The following GOLGA4 variants were observed in gnomAD, a reference collection of about 807,000 sequenced individuals.
GOLGA4 encodes the protein golgin subfamily A member 4.
Under a neutral mutation model 265.9 loss-of-function variants are expected in GOLGA4, and 169 were observed. That is an observed-to-expected ratio of 0.64 (90% CI 0.56 to 0.72). The LOEUF (loss-of-function observed/expected upper bound fraction) is 0.72. GOLGA4 is among the 30% of genes least tolerant of loss of function. The pLI is 0.00. For synonymous variants in GOLGA4, 923 were observed against 855.8 expected (o/e 1.08, Z -1.37); for missense variants, 2,482 against 2,483.4 (o/e 1.00, Z 0.01).
chr3:37,243,745 C>T, intron 1 of GOLGA4, 123 bp downstream of exon 1: 2 of 765,690 alleles, frequency 2.6e-6, no homozygotes, highest in South Asian at 1.7e-5. Flanking sequence ...CGCACTTTTC[C>T]CAAACTCCGG....
chr3:37,356,790 G>T (rs952617499), intron 22 of GOLGA4, among the ~76,000 whole-genome samples: 8 of 152,010 alleles, frequency 5.3e-5, no homozygotes, highest in Non-Finnish European at 1.2e-4. Context: ...TGATATAAAA[G>T]GGCTTTTATT....
At position 37,302,220 on chromosome 3, in the gene GOLGA4, T is replaced by C. The variant is rs747802542; in HGVS notation, c.1122T>C (p.His374=). 6.2e-6 allele frequency: 10 copies of C among 1,613,226 alleles called. No homozygotes were observed. The highest frequency in any genetic ancestry group is 1.3e-5 in the African/African-American group (1 of 74,876). Reference sequence around the variant, plus strand: ...TCGCAGAGACAAAACGTCAGATGCATGAAACCCTGGAAATGAAAGAAGAAG... The same window carrying C: ...TCGCAGAGACAAAACGTCAGATGCACGAAACCCTGGAAATGAAAGAAGAAG... The part of the protein sequence containing the change: ...MVIAETKRQM[H]ETLEMKEEEI... The change falls in exon 10 of 24, where the codon CAT becomes CAC. Residue 374 remains histidine, a synonymous_variant. Transcript: ENST00000361924.
At chr3:37,329,868 A>T (rs2096984328) in intron 16 of GOLGA4, among the ~76,000 whole-genome samples, 1 of 152,162 alleles carries the variant, frequency 6.6e-6, no homozygotes, top group African/African-American at 2.4e-5. Context: ...ATTTCACTAT[A>T]TGCTAAGAAT....
intron 19 of GOLGA4, among the ~76,000 whole-genome samples, chr3:37,338,650 T>C (rs1206838789): frequency 6.6e-6 from 1 of 152,142 alleles, no homozygotes; most frequent in East Asian, 1.9e-4. Context: ...TTTAGTTCAT[T>C]TACAGTGTTG....
intron 10 of GOLGA4, among the ~76,000 whole-genome samples, chr3:37,314,642 A>AACACACACAC (rs60890140): frequency 0.042 from 5,771 of 138,974 alleles, 162 homozygotes; most frequent in Middle Eastern, 0.085. Flanking sequence ...CTCCGTCTCA[A>AACACACACAC]ACACACACAC....
chr3:37,319,253 C>T, intron 12 of GOLGA4, 59 bp downstream of exon 12: 5 of 1,350,418 alleles, frequency 3.7e-6, no homozygotes, highest in Non-Finnish European at 5.1e-6. Flanking sequence ...ACAAAGTTAT[C>T]ATCCTCTCAC....
chr3:37,309,741 A>G (rs1040419157), intron 10 of GOLGA4, among the ~76,000 whole-genome samples: 1 of 152,204 alleles, frequency 6.6e-6, no homozygotes, highest in African/African-American at 2.4e-5. Context: ...CTGGATTTTC[A>G]TGCCTGTTTC....
chr3:37,364,822 G>C (rs188694420), intron 23 of GOLGA4, among the ~76,000 whole-genome samples: 329 of 150,486 alleles, frequency 2.2e-3, no homozygotes, highest in African/African-American at 7.7e-3. Context: ...GAACTCCTGG[G>C]CTCAAGCAGT....
chr3:37,298,268 A>G (rs947240073), intron 7 of GOLGA4, among the ~76,000 whole-genome samples: 2 of 152,134 alleles, frequency 1.3e-5, no homozygotes, highest in Non-Finnish European at 2.9e-5. Flanking sequence ...GTTTTTAAGA[A>G]CAATTTAGTG....
chr3:37,303,177 G>A lies in GOLGA4; in HGVS notation c.1234+845G>A, dbSNP rs946940048. Reference sequence around the variant, plus strand: ...GAACTGACTATTGAAATCTTAAAAGGTAGGTAGCTGAGTTTAGACTTTGAT... The same window carrying A: ...GAACTGACTATTGAAATCTTAAAAGATAGGTAGCTGAGTTTAGACTTTGAT... On this transcript the variant is annotated intron_variant, in intron 10 of 23. Coordinates refer to ENST00000361924, the MANE Select transcript of GOLGA4 (RefSeq NM_002078.5). Among the ~76,000 whole-genome samples the A allele has an allele frequency of 4.6e-5, 7 of 152,256 alleles. No individual in the cohort carries two copies. In the East Asian group the frequency reaches 1.2e-3, roughly 25 times the overall value.
intron 2 of GOLGA4, among the ~76,000 whole-genome samples, chr3:37,264,854 C>A (rs1182113877): frequency 6.6e-6 from 1 of 152,072 alleles, no homozygotes; most frequent in East Asian, 1.9e-4. Flanking sequence ...TGTCACCATG[C>A]CTGGCAAATT....
chr3:37,278,235 T>C (rs1288742249), intron 2 of GOLGA4, among the ~76,000 whole-genome samples: 1 of 152,044 alleles, frequency 6.6e-6, no homozygotes, highest in Non-Finnish European at 1.5e-5. Flanking sequence ...GTTTTGCTCT[T>C]TTTGCCCAGG....
In GOLGA4 at chr3:37,325,717, A is replaced by C; in HGVS notation, c.3831A>C (p.Gln1277His). 1 of 1,613,724 alleles carries C rather than the reference A, an allele frequency of 6.2e-7. No homozygotes were observed. The highest frequency in any genetic ancestry group is 1.1e-5 in the South Asian group (1 of 91,084). Residue 1277 changes from glutamine (Q) to histidine (H), a missense_variant, in exon 14 of 24, where the codon CAA becomes CAC. By Grantham distance (24) the Gln-to-His change is conservative (BLOSUM62 0). Coordinates refer to ENST00000361924, the MANE Select transcript of GOLGA4 (RefSeq NM_002078.5). The part of the protein sequence containing the change: ...KTCTVSELEA[Q>H]LRQLTEEQNT... ...GCACAGTTTCTGAATTAGAAGCACA[A>C]CTTAGACAGTTGACAGAGGAGCAAA...
intron 10 of GOLGA4, among the ~76,000 whole-genome samples, chr3:37,306,446 G>T (rs912984643): frequency 2.6e-5 from 4 of 151,240 alleles, no homozygotes; most frequent in Non-Finnish European, 5.9e-5. Flanking sequence ...CCTCAGTGTA[G>T]CACCAGTGTA....
Position 37,286,014 on chromosome 3 carries a change from C to A in GOLGA4, c.478C>A (p.Leu160Ile). The A allele has an allele frequency of 6.4e-7, 1 of 1,551,626 alleles. No individual in the cohort carries two copies. The highest frequency in any genetic ancestry group is 8.9e-7 in the Non-Finnish European group (1 of 1,129,886). The change falls in exon 4 of 24, where the codon CTT (leucine) becomes ATT (isoleucine). Residue 160 changes from leucine to isoleucine, a missense_variant and splice_region_variant. By Grantham distance (5) the Leu-to-Ile change is conservative. Coordinates refer to ENST00000361924, the MANE Select transcript of GOLGA4 (RefSeq NM_002078.5). ...AATGTTGTTGATGACTATATTTTAG[C>A]TTGTTACAGCTTATCAGATGCTTCA... ...LSSYRGKYSELVTAYQMLQRE... is the reference protein window; with the variant it reads ...LSSYRGKYSEIVTAYQMLQRE...
rs1440711215 is a variant in GOLGA4, at chr3:37,326,894, A to G, written c.5008A>G (p.Thr1670Ala). ...EEKEEQYKKG[T>A]ESHLSELNTK... The stretch of plus-strand genomic sequence containing the variant: ...GAAAGAAGAACAGTATAAAAAAGGT[A>G]CAGAAAGCCATTTGAGTGAGCTAAA... Residue 1670 changes from threonine to alanine, a missense_variant, in exon 14 of 24, where the codon ACA becomes GCA. Around this residue, in one of 3 missense-constraint regions of GOLGA4, gnomAD observed 942 missense variants for 983.1 expected, o/e 0.96. Transcript: ENST00000361924. 1.2e-6 allele frequency: 2 copies of G among 1,613,824 alleles called. No homozygotes were observed. Among genetic ancestry groups the G allele is most frequent in the East Asian group, 2.2e-5 (1 of 44,876 alleles).
In GOLGA4 at chr3:37,366,604, T is replaced by A. The variant is rs1438063746; in HGVS notation, c.*558T>A. The A allele has an allele frequency of 6.5e-6, 1 of 152,970 alleles. No individual in the cohort carries two copies. The highest frequency in any genetic ancestry group is 6.5e-5 in the Admixed American group (1 of 15,290). 9.5% of individuals were successfully genotyped at this position (152,970 alleles called of 1,614,324 possible). A position where few individuals can be genotyped will look rare whatever the true frequency, so the allele number is the denominator to read the frequency against. ...CAAATGGCAGTACCTCATTGTTTAC[T>A]TAGCTTTTGTACTTATATTTTTCAG... On this transcript the variant is annotated 3_prime_UTR_variant, in exon 24 of 24. Coordinates refer to ENST00000361924, the MANE Select transcript of GOLGA4 (RefSeq NM_002078.5).
chr3:37,250,411 C>G (rs1407640337), intron 1 of GOLGA4: 1 of 152,138 alleles, frequency 6.6e-6, no homozygotes, highest in Non-Finnish European at 1.5e-5. Flanking sequence ...ATGTATATGT[C>G]TGTCTGGATG....
Position 37,337,695 on chromosome 3 carries a change from C to A in GOLGA4, c.6357C>A (p.Ile2119=). ...QTQLAQKTTL[I]SDSKLKEQEF... is the part of the protein sequence containing the mutation. Reference sequence around the variant, plus strand: ...AGCTAGCACAGAAGACGACTTTAATCAGTGATTCGAAATTGAAAGAGCAAG... The same window carrying A: ...AGCTAGCACAGAAGACGACTTTAATAAGTGATTCGAAATTGAAAGAGCAAG... The change falls in exon 19 of 24, where the codon ATC becomes ATA. Residue 2119 remains isoleucine, a synonymous_variant. Coordinates refer to ENST00000361924, the MANE Select transcript of GOLGA4 (RefSeq NM_002078.5). 6.2e-7 allele frequency: 1 copy of A among 1,611,896 alleles called. No individual in the cohort carries two copies. Among genetic ancestry groups the A allele is most frequent in the South Asian group, 1.1e-5 (1 of 91,036 alleles).
Sources: allele counts gnomAD v4.1 joint callset (sites outside exome capture counted in the v4.1 genomes callset), GRCh38; gene constraint gnomAD v4.1.1; regional missense constraint gnomAD v4.1.1; transcripts MANE v1.5; gene names NCBI Gene and HGNC (gene_info 2026-07-23, HGNC 2026-07-21).